FNIP1: variants seen among roughly 807,000 people sequenced by gnomAD.
FNIP1 encodes the protein folliculin interacting protein 1.
Under a neutral mutation model 124.5 loss-of-function variants are expected in FNIP1, and 40 were observed. That is an observed-to-expected ratio of 0.32 (90% CI 0.25 to 0.42). The LOEUF is 0.42. Among genes scored for constraint, FNIP1 ranks in the 10% least tolerant of loss-of-function variants. The pLI is 1.00. For synonymous variants in FNIP1, 472 were observed against 470.6 expected (o/e 1.00, Z -0.04); for missense variants, 1,176 against 1,403.7 (o/e 0.84, Z 2.59).
intron 1 of FNIP1, among the ~76,000 whole-genome samples, chr5:131,789,460 C>T (rs926454687): frequency 1.3e-5 from 2 of 152,086 alleles, no homozygotes; most frequent in African/African-American, 2.4e-5. Context: ...AATCAGAACA[C>T]TGCAAGTGAA....
intron 11 of FNIP1, 54 bp downstream of exon 11, chr5:131,698,863 T>C (rs747014945): frequency 7.0e-7 from 1 of 1,419,454 alleles, no homozygotes; most frequent in Non-Finnish European, 9.6e-7. Flanking sequence ...AAAAAATGAA[T>C]CTTCCTGTGT....
intron 1 of FNIP1, among the ~76,000 whole-genome samples, chr5:131,767,427 C>CAAAAAAAAAAAAAAAAAAAAA (rs139550903): frequency 1.6e-5 from 1 of 63,992 alleles, no homozygotes; most frequent in African/African-American, 5.0e-5. Flanking sequence ...GATTCTGTCT[C>CAAAAAAAAAAAAAAAAAAAAA]AAAAAAAAAA....
intron 10 of FNIP1, among the ~76,000 whole-genome samples, chr5:131,702,172 T>C (rs973001182): frequency 6.6e-6 from 1 of 152,154 alleles, no homozygotes; most frequent in Non-Finnish European, 1.5e-5. Context: ...AATGTGTATG[T>C]GACAATGATG....
chr5:131,743,715 T>A (rs1018824858), intron 2 of FNIP1, among the ~76,000 whole-genome samples: 4 of 152,050 alleles, frequency 2.6e-5, no homozygotes, highest in African/African-American at 7.2e-5. Context: ...ACTTGAAGAG[T>A]TCTCTTGCCT....
chr5:131,659,600 C>T (rs114522022), intron 15 of FNIP1, among the ~76,000 whole-genome samples: 1 of 152,234 alleles, frequency 6.6e-6, no homozygotes, highest in East Asian at 1.9e-4. Flanking sequence ...CAGGATGGCA[C>T]GGGGGAGGGC....
intron 13 of FNIP1, among the ~76,000 whole-genome samples, chr5:131,674,764 C>T (rs898086905): frequency 5.3e-5 from 8 of 152,120 alleles, no homozygotes; most frequent in Admixed American, 2.6e-4. Flanking sequence ...TTAATTTCAA[C>T]TTAATTCAAT....
At position 131,672,593 on chromosome 5, in the gene FNIP1, G is replaced by T. The variant is rs1489095418; in HGVS notation, c.1851C>A (p.Leu617=). 1 of 1,614,020 alleles carries T rather than the reference G, an allele frequency of 6.2e-7. No individual in the cohort carries two copies. Among genetic ancestry groups the T allele is most frequent in the Non-Finnish European group, 8.5e-7 (1 of 1,180,030 alleles). Reference sequence around the variant, plus strand: ...AAATGTTCTCTACATTTTGCCCAAGGAGTGGATGACTGCAATATTTACAGT... The same window carrying T: ...AAATGTTCTCTACATTTTGCCCAAGTAGTGGATGACTGCAATATTTACAGT... The part of the protein sequence containing the change: ...NCNCKYCSHP[L]LGQNVENISQ... Residue 617 remains leucine, a synonymous_variant, in exon 14 of 18, where the codon CTC becomes CTA. Coordinates refer to ENST00000510461, the MANE Select transcript of FNIP1 (RefSeq NM_133372.3).
chr5:131,644,915 A>G, intron 17 of FNIP1, 152 bp from the exon 18 acceptor site: 1 of 640,380 alleles, frequency 1.6e-6, no homozygotes, highest in South Asian at 1.9e-5. Context: ...CAGTAAATAA[A>G]ACACAGAACT....
intron 1 of FNIP1, among the ~76,000 whole-genome samples, chr5:131,753,181 T>C (rs1345130963): frequency 1.3e-5 from 2 of 152,176 alleles, no homozygotes; most frequent in Non-Finnish European, 2.9e-5. Flanking sequence ...TATGAAGCCC[T>C]TGGAACTCCC....
At chr5:131,711,292 T>G (rs540708956) in intron 6 of FNIP1, among the ~76,000 whole-genome samples, 1 of 152,340 alleles carries the variant, frequency 6.6e-6, no homozygotes, top group South Asian at 2.1e-4. Context: ...GACTCCCAGC[T>G]GTTCAAGAGA....
chr5:131,757,638 A>T (rs1234044027), intron 1 of FNIP1, among the ~76,000 whole-genome samples: 1 of 150,620 alleles, frequency 6.6e-6, no homozygotes, highest in South Asian at 2.1e-4. Flanking sequence ...TGAAGGCCAA[A>T]AAAAAAAAAA....
intron 13 of FNIP1, among the ~76,000 whole-genome samples, chr5:131,674,709 C>T (rs1767862623): frequency 1.3e-5 from 2 of 151,994 alleles, no homozygotes; most frequent in Admixed American, 6.6e-5. Context: ...TAGCGTGAGA[C>T]CCTGTCTCAA....
intron 2 of FNIP1, among the ~76,000 whole-genome samples, chr5:131,737,324 T>C (rs952841192): frequency 1.4e-4 from 22 of 152,184 alleles, no homozygotes; most frequent in Admixed American, 5.2e-4. Flanking sequence ...GATGGGAGAA[T>C]AGTATGTGTG....
Position 131,686,935 on chromosome 5 carries a change from A to G in FNIP1, c.1203-7760T>C, listed in dbSNP as rs527445693. 5.3e-5 allele frequency among the ~76,000 whole-genome samples: 8 copies of G among 152,014 alleles called. No homozygotes were observed. The South Asian group carries it at 1.7e-3, about 32-fold the overall frequency. On this transcript the variant is annotated intron_variant, in intron 11 of 17. Coordinates refer to ENST00000510461, the MANE Select transcript of FNIP1 (RefSeq NM_133372.3). Reference sequence around the variant, plus strand: ...TGTAGATGCTAGCCCCATACCTACTAAACAAACTCTAAGAGTTTGGGAAAC... The same window carrying G: ...TGTAGATGCTAGCCCCATACCTACTGAACAAACTCTAAGAGTTTGGGAAAC...
chr5:131,705,379 G>T (rs759593358), intron 9 of FNIP1, among the ~76,000 whole-genome samples: 14 of 151,988 alleles, frequency 9.2e-5, no homozygotes, highest in Admixed American at 9.2e-4. Context: ...AGGCTGAGGT[G>T]GAAGGATCAC....
At chr5:131,761,963 T>A (rs1205640419) in intron 1 of FNIP1, among the ~76,000 whole-genome samples, 3 of 152,102 alleles carry the variant, frequency 2.0e-5, no homozygotes, top group African/African-American at 4.8e-5. Flanking sequence ...AATCCTACAG[T>A]GAATTCATTT....
At chr5:131,767,269 T>TA (rs1771459236) in intron 1 of FNIP1, among the ~76,000 whole-genome samples, 1 of 151,100 alleles carries the variant, frequency 6.6e-6, no homozygotes, top group South Asian at 2.1e-4. Context: ...CTGTCTCTAC[T>TA]AAAAATACAA....
intron 1 of FNIP1, among the ~76,000 whole-genome samples, chr5:131,755,917 G>A (rs1771035940): frequency 6.6e-6 from 1 of 152,022 alleles, no homozygotes; most frequent in African/African-American, 2.4e-5. Context: ...GCTGAAGAAG[G>A]AGAATCGCTT....
At chr5:131,656,702 A>C (rs1767202735) in intron 15 of FNIP1, among the ~76,000 whole-genome samples, 1 of 152,180 alleles carries the variant, frequency 6.6e-6, no homozygotes, top group African/African-American at 2.4e-5. Context: ...AAAATCATAG[A>C]GGACAAAAGG....
Sources: allele counts gnomAD v4.1 joint callset (sites outside exome capture counted in the v4.1 genomes callset), GRCh38; gene constraint gnomAD v4.1.1; transcripts MANE v1.5; gene names NCBI Gene and HGNC (gene_info 2026-07-23, HGNC 2026-07-21).